PLCZ1: variants seen among roughly 807,000 people sequenced by gnomAD.
The protein encoded by PLCZ1 is phospholipase C zeta 1, also known as 1-phosphatidylinositol 4,5-bisphosphate phosphodiesterase zeta-1.
PLCZ1 carries 64 observed loss-of-function variants against 76.8 expected under a neutral mutation model. That is an observed-to-expected ratio of 0.83 (90% CI 0.68 to 1.03). The LOEUF is 1.03. Ranked by LOEUF, PLCZ1 falls within the 50% of genes least tolerant of loss-of-function variation. The pLI is 0.00. For synonymous variants in PLCZ1, 248 were observed against 230.8 expected (o/e 1.07, Z -0.68); for missense variants, 751 against 713.7 (o/e 1.05, Z -0.60).
chr12:18,649,498 C>CA, the PLCZ1 span, among the ~76,000 whole-genome samples: 1 of 152,082 alleles, frequency 6.6e-6, no homozygotes, highest in African/African-American at 2.4e-5. Context: ...TGTCTCCCAT[C>CA]AAAAAATTAA....
rs552634639 is a variant in PLCZ1 at position 18,687,755 on chromosome 12, T to A, written c.1591+334A>T. On this transcript the variant is annotated intron_variant, in intron 13 of 14. Coordinates refer to ENST00000266505, the MANE Select transcript of PLCZ1 (RefSeq NM_033123.4). ...CAAAAATCACAAATTTTTGATTTAA[T>A]ACAAAGGCTAGAAGCTAAGTAGATT... 3.7e-4 allele frequency among the ~76,000 whole-genome samples: 56 copies of A among 152,156 alleles called. 1 individual carries two copies. Among genetic ancestry groups the A allele is most frequent in the Non-Finnish European group, 7.2e-4 (49 of 67,968 alleles).
At chr12:18,720,804 A>G (rs546837015) in intron 4 of PLCZ1, among the ~76,000 whole-genome samples, 5 of 152,196 alleles carry the variant, frequency 3.3e-5, no homozygotes, top group African/African-American at 1.2e-4. Context: ...AAAGCAAGAT[A>G]AGTGCAGGGG....
intron 12 of PLCZ1, among the ~76,000 whole-genome samples, chr12:18,690,709 G>A (rs1053701545): frequency 2.0e-5 from 3 of 152,170 alleles, no homozygotes; most frequent in African/African-American, 7.2e-5. Flanking sequence ...AAAAAGACAT[G>A]ATTCCTAAGT....
chr12:18,734,248 A>G (rs1482315784), intron 3 of PLCZ1, among the ~76,000 whole-genome samples: 4 of 152,130 alleles, frequency 2.6e-5, no homozygotes, highest in Non-Finnish European at 4.4e-5. Flanking sequence ...TTCTTTCTGG[A>G]TAGTACATAG....
At chr12:18,709,262 T>C (rs1179096505) in intron 6 of PLCZ1, among the ~76,000 whole-genome samples, 2 of 152,166 alleles carry the variant, frequency 1.3e-5, no homozygotes. Context: ...GTACCATTTA[T>C]TGAAGACATT....
the PLCZ1 span, among the ~76,000 whole-genome samples, chr12:18,656,556 C>A: frequency 1.3e-5 from 2 of 152,084 alleles, no homozygotes; most frequent in Non-Finnish European, 2.9e-5. Context: ...CAGAGCGAGA[C>A]TCTGTCCTGA....
chr12:18,720,947 T>C (rs1295555203), intron 4 of PLCZ1, among the ~76,000 whole-genome samples: 1 of 152,090 alleles, frequency 6.6e-6, no homozygotes, highest in African/African-American at 2.4e-5. Context: ...CAAAATGCTA[T>C]TACTATTTTG....
chr12:18,735,321 T>C (rs948215946), intron 3 of PLCZ1, among the ~76,000 whole-genome samples: 16 of 152,188 alleles, frequency 1.1e-4, no homozygotes, highest in African/African-American at 3.4e-4. Flanking sequence ...TTCAGAAGGA[T>C]TGGTATTAAT....
the PLCZ1 span, among the ~76,000 whole-genome samples, chr12:18,650,732 A>C: frequency 8.3e-4 from 22 of 26,620 alleles, no homozygotes; most frequent in Admixed American, 1.5e-3. Context: ...ATATATATAT[A>C]TATATATATA....
chr12:18,710,717 T>C (rs923838098), intron 6 of PLCZ1, among the ~76,000 whole-genome samples: 3 of 152,038 alleles, frequency 2.0e-5, no homozygotes, highest in Non-Finnish European at 2.9e-5. Context: ...AAATTCAGGA[T>C]ACATTTTAAA....
chr12:18,721,206 T>C (rs2137530963), intron 4 of PLCZ1, among the ~76,000 whole-genome samples: 1 of 152,262 alleles, frequency 6.6e-6, no homozygotes, highest in Non-Finnish European at 1.5e-5. Flanking sequence ...TAAACTCATT[T>C]TGTTCCCTTA....
downstream of PLCZ1, among the ~76,000 whole-genome samples, chr12:18,678,827 A>G (rs528462927): frequency 2.0e-5 from 3 of 152,162 alleles, no homozygotes; most frequent in Non-Finnish European, 2.9e-5. Context: ...TTGTGTGGAC[A>G]TGTGTTTTCA....
chr12:18,648,070 T>C, the PLCZ1 span: 2 of 1,336,014 alleles, frequency 1.5e-6, no homozygotes, highest in Non-Finnish European at 2.0e-6. Flanking sequence ...ACTACTTGTA[T>C]TTTTTTCACT....
intron 5 of PLCZ1, among the ~76,000 whole-genome samples, chr12:18,718,663 T>C (rs895687567): frequency 3.3e-5 from 5 of 152,198 alleles, no homozygotes; most frequent in Admixed American, 6.5e-5. Context: ...AGAAGACTTT[T>C]CTGACAACTT....
intron 13 of PLCZ1, among the ~76,000 whole-genome samples, chr12:18,686,085 GC>G (rs1953107015): frequency 6.6e-6 from 1 of 151,886 alleles, no homozygotes; most frequent in Non-Finnish European, 1.5e-5. Flanking sequence ...TTCTTGTCCA[GC>G]CATCTGGACG....
Position 18,737,361 on chromosome 12 carries a change from C to T in PLCZ1, c.11G>A (p.Arg4Lys), listed in dbSNP as rs781129128. 2.5e-6 allele frequency: 4 copies of T among 1,613,246 alleles called. No homozygotes were observed. In the South Asian group the frequency reaches 3.3e-5, roughly 13 times the overall value. MEM[R>K]WFLSKIQDDF... ...GCAGAAAGAAGCTCTCAATGGATATCTCATTTCCATAGTTTCATGACCTGT... is the reference window on the plus strand; with the variant it reads ...GCAGAAAGAAGCTCTCAATGGATATTTCATTTCCATAGTTTCATGACCTGT... The change falls in exon 2 of 15, where the codon AGA becomes AAA. Residue 4 changes from arginine (R) to lysine (K), a missense_variant and splice_region_variant. Physicochemically the swap from Arg to Lys is conservative, Grantham distance 26 (BLOSUM62 2). Transcript: ENST00000266505.
intron 6 of PLCZ1, among the ~76,000 whole-genome samples, chr12:18,705,590 G>C (rs552849678): frequency 7.9e-5 from 12 of 152,098 alleles, no homozygotes; most frequent in Non-Finnish European, 1.8e-4. Context: ...TACTGGCCAG[G>C]CTCAGTGGCT....
Position 18,699,862 on chromosome 12 carries a change from A to T in PLCZ1, c.1106T>A (p.Leu369Ter), listed in dbSNP as rs1486341069. 6.2e-7 allele frequency: 1 copy of T among 1,613,244 alleles called. No homozygotes were observed. The highest frequency in any genetic ancestry group is 8.5e-7 in the Non-Finnish European group (1 of 1,179,540). Reference protein sequence around the residue: ...EKFKSFQHSRLYQQFNENNSI... With the variant: ...EKFKSFQHSR Reference sequence around the variant, plus strand: ...ATTATTTTCATTAAATTGCTGATATAATCTTGAATGTTGAAAGCTTTTGAA... The same window carrying T: ...ATTATTTTCATTAAATTGCTGATATTATCTTGAATGTTGAAAGCTTTTGAA... Residue 369 changes from leucine to a stop codon, truncating the protein, a stop_gained, in exon 10 of 15, where the codon TTA (leucine) becomes TAA (stop). Transcript: ENST00000266505. LOFTEE classifies it high-confidence loss of function.
At chr12:18,648,952 A>C in the PLCZ1 span, among the ~76,000 whole-genome samples, 25,614 of 152,102 alleles carry the variant, frequency 0.17, 2,695 homozygotes, top group African/African-American at 0.29. Flanking sequence ...GAATGAAAAA[A>C]AATCTAAGCT....
Sources: gnomAD v4.1 joint callset for allele counts (sites outside exome capture counted in the v4.1 genomes callset) on GRCh38, gnomAD v4.1.1 for gene constraint, MANE v1.5 for transcripts, NCBI Gene and HGNC (gene_info 2026-07-23, HGNC 2026-07-21) for gene names.